The following NEXMIF variants were observed in gnomAD, a reference collection of about 807,000 sequenced individuals.
The protein encoded by NEXMIF is neurite extension and migration factor.
NEXMIF carries 8 observed loss-of-function variants against 62.1 expected under a neutral mutation model. The ratio of observed to expected loss-of-function variants is 0.13; its 90% CI spans 0.08 to 0.23. NEXMIF has a LOEUF of 0.23. NEXMIF is among the 10% of genes least tolerant of loss of function. The probability of loss-of-function intolerance (pLI) is 1.00; values close to 1 mark genes in which losing one functional copy is unlikely to be tolerated. For missense variants in NEXMIF, 976 were observed against 1,113.3 expected (o/e 0.88, Z 1.75); for synonymous variants, 404 against 416.6 (o/e 0.97, Z 0.37).
chrX:74,882,825 T>C (rs1326835398), intron 1 of NEXMIF, among the ~76,000 whole-genome samples: 1 of 112,068 alleles, frequency 8.9e-6, no homozygotes, highest in Non-Finnish European at 1.9e-5. Context: ...CAGCTTGAGA[T>C]CTGAGAATGG....
chrX:74,756,697 C>A (rs943192411), intron 1 of NEXMIF, among the ~76,000 whole-genome samples: 1 of 111,602 alleles, frequency 9.0e-6, no homozygotes, highest in Admixed American at 9.5e-5. Flanking sequence ...ATTACTGTTA[C>A]CCATACCCAA....
chrX:74,820,213 C>T (rs983542970), intron 1 of NEXMIF, among the ~76,000 whole-genome samples: 11 of 110,042 alleles, frequency 1.0e-4, no homozygotes, highest in Admixed American at 5.8e-4. Flanking sequence ...GGAGGGATAG[C>T]ATTAGGAGAA....
chrX:74,894,682 C>A (rs763711534), intron 1 of NEXMIF, among the ~76,000 whole-genome samples: 11 of 112,499 alleles, frequency 9.8e-5, no homozygotes, highest in Non-Finnish European at 1.7e-4. Context: ...GATGGTCCAA[C>A]ACTCACAAAT....
intron 1 of NEXMIF, among the ~76,000 whole-genome samples, chrX:74,787,121 A>G (rs1179319185): frequency 3.8e-5 from 4 of 105,989 alleles, no homozygotes; most frequent in East Asian, 3.0e-4. Context: ...AAAAAAAAAA[A>G]AAAGAAAAAA....
In NEXMIF at chrX:74,916,493, A is replaced by T. The variant is rs376881971; in HGVS notation, c.-48+8390T>A. On this transcript the variant is annotated intron_variant, in intron 1 of 3. Transcript: ENST00000055682. ...TAATAGGTTAATGGATAAATGGGTT[A>T]TCACGGGAGTGGGACTGGTAGCTTT... Among the ~76,000 whole-genome samples, 4 of 111,583 alleles carry T rather than the reference A, an allele frequency of 3.6e-5. No individual in the cohort carries two copies. In the East Asian group the frequency reaches 8.5e-4, roughly 24 times the overall value.
intron 1 of NEXMIF, among the ~76,000 whole-genome samples, chrX:74,750,387 C>T (rs1336221909): frequency 9.0e-6 from 1 of 111,649 alleles, no homozygotes; most frequent in East Asian, 2.8e-4. Flanking sequence ...GGGAATAAAG[C>T]AAGGCCAGTA....
intron 1 of NEXMIF, among the ~76,000 whole-genome samples, chrX:74,909,701 T>C (rs775652554): frequency 4.5e-5 from 5 of 112,018 alleles, no homozygotes; most frequent in African/African-American, 1.6e-4. Flanking sequence ...CATGGCAGCC[T>C]CTCCCATCAT....
intron 1 of NEXMIF, among the ~76,000 whole-genome samples, chrX:74,850,636 T>C (rs768964260): frequency 9.0e-6 from 1 of 111,419 alleles, no homozygotes; most frequent in African/African-American, 3.3e-5. Flanking sequence ...AGAAATCATA[T>C]AGAGAATACA....
At chrX:74,867,480 A>G (rs1484395652) in intron 1 of NEXMIF, among the ~76,000 whole-genome samples, 3 of 111,798 alleles carry the variant, frequency 2.7e-5, no homozygotes, top group African/African-American at 9.8e-5. Flanking sequence ...AAATAAGACC[A>G]CACATCTACA....
chrX:74,888,434 A>G (rs376350029), intron 1 of NEXMIF, among the ~76,000 whole-genome samples: 1 of 109,259 alleles, frequency 9.2e-6, no homozygotes, highest in Admixed American at 9.8e-5. Flanking sequence ...CAGAAAACTA[A>G]CACAGGAACA....
At chrX:74,803,246 C>G (rs5981697) in intron 1 of NEXMIF, among the ~76,000 whole-genome samples, 6,630 of 111,602 alleles carry the variant, frequency 0.059, 244 homozygotes, top group African/African-American at 0.14. Flanking sequence ...GACCCAAAGA[C>G]TACCTCAAGG....
intron 1 of NEXMIF, among the ~76,000 whole-genome samples, chrX:74,756,241 G>A (rs1350054203): frequency 8.9e-6 from 1 of 112,510 alleles, no homozygotes; most frequent in Non-Finnish European, 1.9e-5. Context: ...GATTACAGGC[G>A]TGAGCCACCG....
intron 1 of NEXMIF, among the ~76,000 whole-genome samples, chrX:74,845,568 A>C (rs891686256): frequency 4.5e-5 from 5 of 110,552 alleles, no homozygotes; most frequent in Admixed American, 9.6e-5. Context: ...TGCTAAGTAC[A>C]TGGGTTTATA....
Position 74,817,043 on chromosome X carries a change from T to C in NEXMIF, c.-47-71346A>G, listed in dbSNP as rs746762247. 3.6e-5 allele frequency among the ~76,000 whole-genome samples: 4 copies of C among 112,100 alleles called. No individual in the cohort carries two copies. In the Admixed American group the frequency reaches 3.8e-4, roughly 11 times the overall value. On this transcript the variant is annotated intron_variant, in intron 1 of 3. Coordinates refer to ENST00000055682, the MANE Select transcript of NEXMIF (RefSeq NM_001008537.3). ...ATCCACTCACCCTATTTTGTCTTCGTTTGCACTATTAGAATATGGAAGTTC... is the reference window on the plus strand; with the variant it reads ...ATCCACTCACCCTATTTTGTCTTCGCTTGCACTATTAGAATATGGAAGTTC...
At position 74,740,351 on chromosome X, in the gene NEXMIF, A is replaced by G; in HGVS notation, c.4206T>C (p.Asn1402=). Residue 1402 remains asparagine (N), a synonymous_variant, in exon 3 of 4, where the codon AAT becomes AAC. Transcript: ENST00000055682. ...HRSIKGVSKS[N]GKTAIGDPGR... ...CAGGATCACCTATTGCTGTTTTCCC[A>G]TTGCTTTTGCTCACACCCTTGATTG... 1 of 1,211,615 alleles carries G rather than the reference A, an allele frequency of 8.3e-7. No homozygotes were observed. The highest frequency in any genetic ancestry group is 1.1e-6 in the Non-Finnish European group (1 of 895,474).
intron 1 of NEXMIF, among the ~76,000 whole-genome samples, chrX:74,842,140 C>T (rs926205188): frequency 9.0e-6 from 1 of 111,446 alleles, no homozygotes; most frequent in Non-Finnish European, 1.9e-5. Context: ...CTATTTGTTA[C>T]TGATTCAATT....
At position 74,742,469 on chromosome X, in the gene NEXMIF, G is replaced by A. The variant is rs1227333624; in HGVS notation, c.2088C>T (p.Gly696=). ...GGGCTTTGACTTTCACTGAGTCAGG[G>A]CCTGTGATGTCATTTAAATGTGATC... ...ANGSHLNDIT[G]PDSVKVKAQD... The change falls in exon 3 of 4, where the codon GGC becomes GGT. Residue 696 remains glycine (G), a synonymous_variant. Coordinates refer to ENST00000055682, the MANE Select transcript of NEXMIF (RefSeq NM_001008537.3). The A allele has an allele frequency of 2.2e-5, 27 of 1,207,333 alleles. No homozygotes were observed. Among genetic ancestry groups the A allele is most frequent in the Non-Finnish European group, 2.9e-5 (26 of 893,751 alleles).
chrX:74,820,210 T>C (rs1008569995), intron 1 of NEXMIF, among the ~76,000 whole-genome samples: 1 of 109,915 alleles, frequency 9.1e-6, no homozygotes, highest in African/African-American at 3.3e-5. Context: ...GGAGGAGGGA[T>C]AGCATTAGGA....
intron 1 of NEXMIF, among the ~76,000 whole-genome samples, chrX:74,885,720 C>A (rs187255860): frequency 6.3e-5 from 7 of 111,847 alleles, no homozygotes; most frequent in Admixed American, 5.7e-4. Flanking sequence ...ACCAGAGGTA[C>A]AAGGAGGAGC....
Sources: gnomAD v4.1 joint callset for allele counts (sites outside exome capture counted in the v4.1 genomes callset) on GRCh38, gnomAD v4.1.1 for gene constraint, MANE v1.5 for transcripts, NCBI Gene and HGNC (gene_info 2026-07-23, HGNC 2026-07-21) for gene names.